The following PLEKHG5 variants were observed in gnomAD, a reference collection of about 807,000 sequenced individuals.
The protein encoded by PLEKHG5 is pleckstrin homology domain-containing family G member 5.
Under a neutral mutation model 103.8 loss-of-function variants are expected in PLEKHG5, and 52 were observed. That is an observed-to-expected ratio of 0.50 (90% CI 0.40 to 0.63). The LOEUF (loss-of-function observed/expected upper bound fraction) is 0.63. Among genes scored for constraint, PLEKHG5 ranks in the 30% least tolerant of loss-of-function variants. The pLI, the probability that PLEKHG5 is intolerant of heterozygous loss-of-function variation, is 0.00. For synonymous variants in PLEKHG5, 592 were observed against 575.5 expected, an observed-to-expected ratio of 1.03 and a Z score of -0.41; for missense variants, 1,205 against 1,347.6, an observed-to-expected ratio of 0.89 and a Z score of 1.66.
At chr1:6,475,312 C>A (rs1644734626) in intron 4 of PLEKHG5, 150 bp downstream of exon 4, 2 of 736,706 alleles carry the variant, frequency 2.7e-6, no homozygotes, top group African/African-American at 3.7e-5. Context: ...GGATGGGAAC[C>A]CCAGCAAGAA....
chr1:6,506,002 C>G (rs1257082862), intron 1 of PLEKHG5: 1 of 152,584 alleles, frequency 6.6e-6, no homozygotes, highest in Non-Finnish European at 1.5e-5. Flanking sequence ...TGAAAGTCCT[C>G]CCGGGAGGTG....
upstream of PLEKHG5, chr1:6,497,416 C>G: frequency 2.1e-6 from 2 of 970,954 alleles, no homozygotes; most frequent in Non-Finnish European, 2.5e-6. The surrounding 1 kb of genome is among the most constrained non-coding windows in gnomAD (Gnocchi z 6.1). Context: ...CGCCGCCGGA[C>G]CCTCGCACGG....
chr1:6,500,406 G>A (rs61780718), upstream of PLEKHG5, among the ~76,000 whole-genome samples: 23 of 152,164 alleles, frequency 1.5e-4, no homozygotes, highest in East Asian at 2.9e-3. Context: ...TGCCTGCCCC[G>A]GGCTTCCCTT....
At chr1:6,495,431 TG>T (rs1284427726), upstream of PLEKHG5, among the ~76,000 whole-genome samples, 1 of 147,788 alleles carries the variant, frequency 6.8e-6, no homozygotes, top group Non-Finnish European at 1.5e-5. Flanking sequence ...GAGCGGGGGG[TG>T]GGGGGTGGCA....
intron 1 of PLEKHG5, among the ~76,000 whole-genome samples, chr1:6,483,200 G>C (rs1016935815): frequency 5.3e-5 from 8 of 152,156 alleles, no homozygotes; most frequent in African/African-American, 1.9e-4. Flanking sequence ...ACTGGCAGTC[G>C]GCAGGTGGCA....
chr1:6,473,482 G>T, intron 7 of PLEKHG5, 28 bp from the exon 8 acceptor site: 1 of 1,487,746 alleles, frequency 6.7e-7, no homozygotes. Flanking sequence ...GTCAGGGCCG[G>T]GACCCCCTGC....
chr1:6,481,439 G>A (rs984113698), intron 1 of PLEKHG5, among the ~76,000 whole-genome samples: 2 of 152,110 alleles, frequency 1.3e-5, no homozygotes, highest in African/African-American at 2.4e-5. Flanking sequence ...GCTGAAGCAG[G>A]AGAATCGCTT....
chr1:6,469,415 T>C lies in PLEKHG5; in HGVS notation c.1969A>G (p.Ser657Gly). The C allele has an allele frequency of 6.2e-7, 1 of 1,614,084 alleles. No homozygotes were observed. Among genetic ancestry groups the C allele is most frequent in the Non-Finnish European group, 8.5e-7 (1 of 1,180,024 alleles). Residue 657 changes from serine (S) to glycine (G), a missense_variant, in exon 18 of 21, where the codon AGT becomes GGT. Coordinates refer to ENST00000377728, the MANE Select transcript of PLEKHG5 (RefSeq NM_020631.6). ...TGGAACGTGTAGGCCCCTACAGCACTGTGAAACTCATTCAGGTAGATAAGG... is the reference window on the plus strand; with the variant it reads ...TGGAACGTGTAGGCCCCTACAGCACCGTGAAACTCATTCAGGTAGATAAGG... ...FLLIYLNEFH[S>G]AVGAYTFQAS...
At chr1:6,517,399 A>T (rs912099949) in intron 1 of PLEKHG5, among the ~76,000 whole-genome samples, 11 of 151,438 alleles carry the variant, frequency 7.3e-5, no homozygotes, top group Admixed American at 5.3e-4. Flanking sequence ...TACAGGGGAC[A>T]CTCCAAAAGG....
rs781143182 is a variant in PLEKHG5 at position 6,475,466 on chromosome 1, G to T, written c.206C>A (p.Thr69Lys). 5 of 1,613,106 alleles carry T rather than the reference G, an allele frequency of 3.1e-6. No homozygotes were observed. Among genetic ancestry groups the T allele is most frequent in the Non-Finnish European group, 4.2e-6 (5 of 1,179,620 alleles). Residue 69 changes from threonine (T) to lysine (K), a missense_variant, in exon 4 of 21, where the codon ACG becomes AAG. Transcript: ENST00000377728. ...CGGCTCTGGGGGGCTCCTCACATCC[G>T]TGTGTCTCCTCCTTGCTTTCTTCTT... ...LSKKKARRRHTDDPSKECFTL... is the reference protein window; with the variant it reads ...LSKKKARRRHKDDPSKECFTL...
At chr1:6,472,277 G>A (rs1160096170) in intron 10 of PLEKHG5, among the ~76,000 whole-genome samples, 1 of 152,242 alleles carries the variant, frequency 6.6e-6, no homozygotes, top group African/African-American at 2.4e-5. Flanking sequence ...TTGGGAAACA[G>A]CCACTGAACG....
chr1:6,468,094 A>C lies in PLEKHG5; in HGVS notation c.2742T>G (p.Ile914Met). 1 of 1,585,636 alleles carries C rather than the reference A, an allele frequency of 6.3e-7. No homozygotes were observed. Among genetic ancestry groups the C allele is most frequent in the East Asian group, 2.3e-5 (1 of 44,294 alleles). ...CTTCCTGAGGGGAGCCCTGAGTCCT[A>C]ATACCTGGGGCTGGAACAGCCAGGC... ...ELCLAVPAPG[I>M]RTQGSPQEAG... Residue 914 changes from isoleucine to methionine, a missense_variant, in exon 20 of 21, where the codon ATT (isoleucine) becomes ATG (methionine). Transcript: ENST00000377728.
chr1:6,509,763 CG>C (rs1638423969), intron 1 of PLEKHG5, among the ~76,000 whole-genome samples: 1 of 152,238 alleles, frequency 6.6e-6, no homozygotes, highest in African/African-American at 2.4e-5. Flanking sequence ...TGACACTTCC[CG>C]ATTCCACATC....
Position 6,472,545 on chromosome 1 carries a change from T to C in PLEKHG5, c.1062A>G (p.Lys354=). ...LLHTEASYIR[K]LRVIINLFLC... ...TACTCACGTTGATGATCACCCGCAG[T>C]TTCCTGATGTAGGAGGCCTCCGTGT... The change falls in exon 10 of 21, where the codon AAA becomes AAG. Residue 354 remains lysine, a synonymous_variant. Coordinates refer to ENST00000377728, the MANE Select transcript of PLEKHG5 (RefSeq NM_020631.6). 21 of 1,613,170 alleles carry C rather than the reference T, an allele frequency of 1.3e-5. No individual in the cohort carries two copies. Among genetic ancestry groups the C allele is most frequent in the Non-Finnish European group, 1.8e-5 (21 of 1,179,370 alleles).
At chr1:6,497,544 C>T (rs112475272), upstream of PLEKHG5, 8,730 of 154,216 alleles carry the variant, frequency 0.057, 762 homozygotes, top group African/African-American at 0.19. This position sits in a 1 kb window ranked among gnomAD's most constrained non-coding sequence, Gnocchi z 6.1. Flanking sequence ...CCTCCCTCCC[C>T]GGCTCCCCGG....
intron 6 of PLEKHG5, 83 bp downstream of exon 6, chr1:6,474,368 G>A (rs181262229): frequency 6.5e-6 from 10 of 1,545,320 alleles, no homozygotes; most frequent in Admixed American, 1.7e-5. Context: ...ACGACCAATG[G>A]GAACCTGAGC....
Position 6,468,039 on chromosome 1 carries a change from G to A in PLEKHG5, c.2797C>T (p.Pro933Ser), listed in dbSNP as rs1363605628. 1 of 1,558,866 alleles carries A rather than the reference G, an allele frequency of 6.4e-7. No homozygotes were observed. The highest frequency in any genetic ancestry group is 1.2e-5 in the South Asian group (1 of 85,796). ...AGCCCAGGACCGCTGCCAGGGCTAG[G>A]GGCCCCTCGGCAATCCCAGCTGGGC... ...AGPSWDCRGA[P>S]SPGSGPGLVG... Residue 933 changes from proline to serine, a missense_variant, in exon 20 of 21, where the codon CCT (proline) becomes TCT (serine). By Grantham distance (74) the Pro-to-Ser change is moderately conservative (BLOSUM62 -1). Transcript: ENST00000377728.
At chr1:6,518,136 G>A (rs914464118) in intron 1 of PLEKHG5, among the ~76,000 whole-genome samples, 1 of 151,554 alleles carries the variant, frequency 6.6e-6, no homozygotes, top group Admixed American at 6.6e-5. Flanking sequence ...GTTTCACCAT[G>A]TTAGCCAGGA....
chr1:6,487,412 C>T lies in PLEKHG5; in HGVS notation c.-88+4225G>A, dbSNP rs533600131. ...GATTACAGGCATGAGCCACCACACC[C>T]GGCCAACAGGCAGAGTTTTGAAAAC... On this transcript the variant is annotated intron_variant, in intron 1 of 20. Coordinates refer to ENST00000377728, the MANE Select transcript of PLEKHG5 (RefSeq NM_020631.6). This position sits in a 1 kb window ranked among gnomAD's most constrained non-coding sequence, Gnocchi z 4.1. Among the ~76,000 whole-genome samples the T allele has an allele frequency of 7.9e-5, 12 of 152,316 alleles. No individual in the cohort carries two copies. The highest frequency in any genetic ancestry group is 2.9e-4 in the African/African-American group (12 of 41,566).
Sources: gnomAD v4.1 joint callset for allele counts (sites outside exome capture counted in the v4.1 genomes callset) on GRCh38, gnomAD v4.1.1 for gene constraint, Gnocchi (gnomAD v3.1) non-coding constraint, MANE v1.5 for transcripts, NCBI Gene and HGNC (gene_info 2026-07-23, HGNC 2026-07-21) for gene names.